The following BBX variants were observed in gnomAD, a reference collection of about 807,000 sequenced individuals.
The protein encoded by BBX is HMG box transcription factor BBX.
BBX carries 30 observed loss-of-function variants against 100.2 expected under a neutral mutation model. That is an observed-to-expected ratio of 0.30 (90% CI 0.22 to 0.41). BBX has a LOEUF of 0.41. Among genes scored for constraint, BBX ranks in the 10% least tolerant of loss-of-function variants. The pLI is 1.00. For synonymous variants in BBX, 376 were observed against 388.1 expected, an observed-to-expected ratio of 0.97 and a Z score of 0.37; for missense variants, 1,023 against 1,129.8, an observed-to-expected ratio of 0.91 and a Z score of 1.35.
chr3:107,805,785 CT>C lies in BBX; in HGVS notation c.*332del, dbSNP rs1183348007. 3 of 341,878 alleles carry C rather than the reference CT, an allele frequency of 8.8e-6. No homozygotes were observed. The highest frequency in any genetic ancestry group is 6.2e-5 in the African/African-American group (3 of 48,066). The allele number at this position is 341,878 out of a possible 1,614,324, so 21.2% of individuals were successfully genotyped here. ...CTTTACTGTAGCTCACCCAGCATCT[CT>C]TTTACCAACCAGAGAGTGTGAAACT... is the stretch of plus-strand genomic sequence containing the variant. On this transcript the variant is annotated 3_prime_UTR_variant, in exon 18 of 18. Transcript: ENST00000325805.
intron 2 of BBX, among the ~76,000 whole-genome samples, chr3:107,527,231 A>G (rs1040286057): frequency 1.4e-5 from 2 of 147,202 alleles, no homozygotes; most frequent in African/African-American, 4.9e-5. Context: ...CTCCATTGTA[A>G]AGGAACACCC....
intron 2 of BBX, among the ~76,000 whole-genome samples, chr3:107,598,763 C>T (rs1015719039): frequency 1.3e-5 from 2 of 152,228 alleles, no homozygotes; most frequent in Non-Finnish European, 2.9e-5. Context: ...TGCCTTTTGG[C>T]AGATTGCATT....
chr3:107,767,506 C>T (rs901546059), intron 10 of BBX, among the ~76,000 whole-genome samples: 4 of 152,298 alleles, frequency 2.6e-5, no homozygotes, highest in East Asian at 3.9e-4. Context: ...GTTTCAACCT[C>T]ACTTTTGATC....
At chr3:107,674,378 C>T (rs1279958442) in intron 3 of BBX, among the ~76,000 whole-genome samples, 2 of 152,128 alleles carry the variant, frequency 1.3e-5, no homozygotes, top group East Asian at 1.9e-4. Flanking sequence ...TTATTCCAGG[C>T]GTTTAGTAGT....
chr3:107,667,434 G>A (rs1297963576), intron 3 of BBX, among the ~76,000 whole-genome samples: 1 of 151,784 alleles, frequency 6.6e-6, no homozygotes, highest in Non-Finnish European at 1.5e-5. Flanking sequence ...TCTTCTGAAA[G>A]CCATATATTC....
intron 8 of BBX, among the ~76,000 whole-genome samples, chr3:107,747,310 A>G (rs1443698666): frequency 1.3e-5 from 2 of 152,174 alleles, no homozygotes; most frequent in African/African-American, 2.4e-5. Context: ...CATATTTAGT[A>G]AACAATTTAT....
intron 10 of BBX, among the ~76,000 whole-genome samples, chr3:107,769,007 C>T (rs71319273): frequency 0.039 from 203 of 5,272 alleles, no homozygotes; most frequent in African/African-American, 0.11. Flanking sequence ...GGGTGGGGGG[C>T]GGCGGGGGGG....
intron 2 of BBX, among the ~76,000 whole-genome samples, chr3:107,617,353 T>C (rs1224054229): frequency 6.6e-6 from 1 of 152,160 alleles, no homozygotes; most frequent in Non-Finnish European, 1.5e-5. Context: ...TTTTTTCAAA[T>C]TGTTTTAGCT....
chr3:107,701,368 C>G (rs1211324771), intron 3 of BBX, among the ~76,000 whole-genome samples: 1 of 152,152 alleles, frequency 6.6e-6, no homozygotes, highest in African/African-American at 2.4e-5. Flanking sequence ...GTTTGTCATT[C>G]TCAGTTGCTT....
intron 2 of BBX, among the ~76,000 whole-genome samples, chr3:107,609,316 G>T (rs2054666830): frequency 6.6e-6 from 1 of 151,984 alleles, no homozygotes; most frequent in South Asian, 2.1e-4. Context: ...TTTGCATCTG[G>T]GTTCCTTAGG....
intron 2 of BBX, among the ~76,000 whole-genome samples, chr3:107,534,793 T>C (rs2048382629): frequency 6.6e-6 from 1 of 152,242 alleles, no homozygotes; most frequent in Admixed American, 6.5e-5. Context: ...AGGCACCTGT[T>C]GTTTTTATGA....
intron 1 of BBX, chr3:107,523,387 C>CGCGCCGGCT (rs1434001243): frequency 6.6e-6 from 1 of 152,490 alleles, no homozygotes; most frequent in Non-Finnish European, 1.5e-5. Flanking sequence ...TCGCGGCGGC[C>CGCGCCGGCT]GCGCCGGCTG....
chr3:107,724,456 G>C (rs1339363469), intron 5 of BBX, among the ~76,000 whole-genome samples: 1 of 151,964 alleles, frequency 6.6e-6, no homozygotes, highest in Admixed American at 6.6e-5. Context: ...CATTGCTTTT[G>C]GTGTTTTAGA....
rs1576908247 is a variant in BBX at position 107,805,547 on chromosome 3, A to G, written c.*90A>G. 1 of 1,606,462 alleles carries G rather than the reference A, an allele frequency of 6.2e-7. No individual in the cohort carries two copies. On this transcript the variant is annotated 3_prime_UTR_variant, in exon 18 of 18. Transcript: ENST00000325805. Reference sequence around the variant, plus strand: ...TGCTAGTGAGTCCAAGTGGTGGAAAATATAGACTGCAAACAAGTGCTTGTT... The same window carrying G: ...TGCTAGTGAGTCCAAGTGGTGGAAAGTATAGACTGCAAACAAGTGCTTGTT...
intron 2 of BBX, among the ~76,000 whole-genome samples, chr3:107,552,231 C>T (rs533607886): frequency 6.6e-6 from 1 of 151,324 alleles, no homozygotes; most frequent in South Asian, 2.1e-4. Flanking sequence ...GTACTCCCAG[C>T]TACCTGGGAG....
At chr3:107,562,846 A>G (rs764131429) in intron 2 of BBX, among the ~76,000 whole-genome samples, 8 of 152,220 alleles carry the variant, frequency 5.3e-5, no homozygotes, top group Non-Finnish European at 8.8e-5. Context: ...AAATATTTTA[A>G]TCAAACAGAA....
At position 107,691,959 on chromosome 3, in the gene BBX, T is replaced by C. The variant is rs926082865; in HGVS notation, c.-9-18493T>C. The stretch of plus-strand genomic sequence containing the variant: ...TATTTTTGTTTTGCAACCATTAAGA[T>C]TGAGAAGTTTTGCTTTATGAAGTGA... On this transcript the variant is annotated intron_variant, in intron 3 of 17. Coordinates refer to ENST00000325805, the MANE Select transcript of BBX (RefSeq NM_001142568.3). Among the ~76,000 whole-genome samples the C allele has an allele frequency of 1.2e-4, 19 of 152,208 alleles. No individual in the cohort carries two copies. The South Asian group carries it at 3.5e-3, about 28-fold the overall frequency.
intron 2 of BBX, among the ~76,000 whole-genome samples, chr3:107,637,833 CT>C (rs1280342763): frequency 6.6e-6 from 1 of 152,192 alleles, no homozygotes; most frequent in African/African-American, 2.4e-5. Context: ...CCCTGATGGA[CT>C]CTAAGGAAAG....
chr3:107,570,420 T>C (rs1351558134), intron 2 of BBX, among the ~76,000 whole-genome samples: 1 of 152,162 alleles, frequency 6.6e-6, no homozygotes, highest in Non-Finnish European at 1.5e-5. Flanking sequence ...TCTAGGGCTA[T>C]AAAGCATCTC....
Sources: allele counts gnomAD v4.1 joint callset (sites outside exome capture counted in the v4.1 genomes callset), GRCh38; gene constraint gnomAD v4.1.1; transcripts MANE v1.5; gene names NCBI Gene and HGNC (gene_info 2026-07-23, HGNC 2026-07-21).